Variants in RBM33 observed in about 807,000 individuals in gnomAD.
RBM33 encodes the protein RNA binding motif protein 33, also known as RNA-binding protein 33.
Under a neutral mutation model 132.6 loss-of-function variants are expected in RBM33, and 28 were observed. The observed-to-expected ratio is 0.21, with a 90% CI of 0.16 to 0.29. The LOEUF (loss-of-function observed/expected upper bound fraction) is 0.29, where lower values mean the gene tolerates loss of function less well. RBM33 is among the 10% of genes least tolerant of loss of function. The pLI is 1.00. For missense variants in RBM33, 1,291 were observed against 1,518.5 expected (o/e 0.85, Z 2.49); for synonymous variants, 634 against 593.0 (o/e 1.07, Z -1.01).
At chr7:155,674,286 G>A (rs1259285558) in intron 3 of RBM33, among the ~76,000 whole-genome samples, 1 of 152,006 alleles carries the variant, frequency 6.6e-6, no homozygotes, top group African/African-American at 2.4e-5. Flanking sequence ...TGAGTGGGAT[G>A]TTCAGTCCTT....
intron 16 of RBM33, among the ~76,000 whole-genome samples, chr7:155,773,140 TTC>T (rs1196423415): frequency 6.6e-6 from 1 of 152,254 alleles, no homozygotes; most frequent in African/African-American, 2.4e-5. Context: ...TCTCTAGCTA[TTC>T]TGTTTCACTG....
intron 14 of RBM33, among the ~76,000 whole-genome samples, chr7:155,749,651 A>G (rs567823188): frequency 2.0e-4 from 30 of 152,214 alleles, no homozygotes; most frequent in Non-Finnish European, 3.8e-4. Context: ...AGTGCAACAG[A>G]CTGATAGTGA....
chr7:155,675,368 G>T (rs796127698), intron 3 of RBM33, among the ~76,000 whole-genome samples: 2 of 151,478 alleles, frequency 1.3e-5, no homozygotes, highest in African/African-American at 2.4e-5. Context: ...TGTATCATTG[G>T]CATTTCTCCC....
chr7:155,694,905 T>C (rs1799749590), intron 5 of RBM33, among the ~76,000 whole-genome samples: 1 of 152,210 alleles, frequency 6.6e-6, no homozygotes, highest in African/African-American at 2.4e-5. Context: ...TTTGTTTCTC[T>C]TGGTTATTAA....
At chr7:155,705,733 C>T (rs186684270) in intron 6 of RBM33, among the ~76,000 whole-genome samples, 1 of 152,340 alleles carries the variant, frequency 6.6e-6, no homozygotes, top group East Asian at 1.9e-4. Context: ...AAATCATTTT[C>T]GTTTCCCTTT....
intron 14 of RBM33, among the ~76,000 whole-genome samples, chr7:155,752,810 G>A (rs1045605334): frequency 6.6e-6 from 1 of 152,184 alleles, no homozygotes; most frequent in Admixed American, 6.5e-5. Flanking sequence ...TGCAGCTCAA[G>A]TGGGTCGTCT....
intron 5 of RBM33, 81 bp from the exon 6 acceptor site, chr7:155,700,692 A>T (rs1799936361): frequency 1.1e-5 from 12 of 1,055,560 alleles, no homozygotes; most frequent in Non-Finnish European, 1.6e-5. Context: ...AAACAATTAA[A>T]TATTTTAGCA....
intron 16 of RBM33, among the ~76,000 whole-genome samples, chr7:155,771,717 TTTTTC>T (rs1802431892): frequency 6.6e-6 from 1 of 152,136 alleles, no homozygotes; most frequent in Non-Finnish European, 1.5e-5. Flanking sequence ...GATATTTTCT[TTTTTC>T]TTATTTTATT....
chr7:155,699,235 C>G (rs928699016), intron 5 of RBM33, among the ~76,000 whole-genome samples: 2 of 152,148 alleles, frequency 1.3e-5, no homozygotes, highest in Admixed American at 6.5e-5. Flanking sequence ...TTTGGACTTG[C>G]TACTCTACTC....
In RBM33 at chr7:155,707,058, C is replaced by T. The variant is rs777401222; in HGVS notation, c.938C>T (p.Pro313Leu). 1.9e-5 allele frequency: 30 copies of T among 1,545,224 alleles called. No homozygotes were observed. Among genetic ancestry groups the T allele is most frequent in the South Asian group, 2.4e-5 (2 of 83,784 alleles). Residue 313 changes from proline (P) to leucine (L), a missense_variant, in exon 7 of 18, where the codon CCT becomes CTT. Pro to Leu is a moderately conservative substitution (Grantham distance 98). Transcript: ENST00000401878. Reference protein sequence around the residue: ...DHRPALLPTQPPVVPQAPPPP... With the variant: ...DHRPALLPTQLPVVPQAPPPP... ...AGACCTGCGCTGCTTCCTACACAGC[C>T]TCCTGTCGTGGTAACTTCAGATTTT...
At position 155,682,788 on chromosome 7, in the gene RBM33, G is replaced by T. The variant is rs1289782333; in HGVS notation, c.567+1880G>T. ...TCACTTTGGTGTTCTTGCAGAGTTT[G>T]TTGTAAAGAGAATTTCCAAGTGAGG... On this transcript the variant is annotated intron_variant, in intron 5 of 17. Transcript: ENST00000401878. Among the ~76,000 whole-genome samples the T allele has an allele frequency of 7.9e-5, 12 of 152,284 alleles. No individual in the cohort carries two copies. The Middle Eastern group carries it at 0.01, about 129-fold the overall frequency.
At chr7:155,728,013 G>A (rs1037053134) in intron 9 of RBM33, among the ~76,000 whole-genome samples, 4 of 152,136 alleles carry the variant, frequency 2.6e-5, no homozygotes, top group Admixed American at 2.6e-4. Flanking sequence ...CAAGCAGTCA[G>A]CCCACCTTGG....
At chr7:155,737,752 TC>T in intron 10 of RBM33, 90 bp downstream of exon 10, 2 of 1,359,508 alleles carry the variant, frequency 1.5e-6, no homozygotes, top group Non-Finnish European at 9.8e-7. Flanking sequence ...TGAATTGAAC[TC>T]CCAGTTGGAG....
At chr7:155,714,908 G>A (rs1387381831) in intron 8 of RBM33, among the ~76,000 whole-genome samples, 3 of 152,144 alleles carry the variant, frequency 2.0e-5, no homozygotes, top group African/African-American at 7.2e-5. Context: ...TGATGGTGAC[G>A]GGCTGGCCCA....
intron 13 of RBM33, among the ~76,000 whole-genome samples, 174 bp downstream of exon 13, chr7:155,742,280 T>G (rs1585516713): frequency 7.1e-6 from 1 of 141,664 alleles, no homozygotes; most frequent in East Asian, 2.1e-4. Context: ...ACACTTGTAT[T>G]CTCACTAGTT....
intron 5 of RBM33, among the ~76,000 whole-genome samples, chr7:155,695,934 A>ATG (rs1563148187): frequency 1.3e-5 from 2 of 151,454 alleles, no homozygotes; most frequent in Admixed American, 6.6e-5. Context: ...ATATGTGCGC[A>ATG]CGTGTGTGTG....
Position 155,673,940 on chromosome 7 carries a change from GTTTTTTTTTTTTTTTTTT to G in RBM33, c.171+1040_171+1057del, listed in dbSNP as rs71186053. On this transcript the variant is annotated intron_variant, in intron 3 of 17. Transcript: ENST00000401878. ...TCATTATCAAGATAGTTTAGGCTTAGTTTTTTTTTTTTTTTTTTTTTTTTTTTTTTTTGAGACACAGTC... is the reference window on the plus strand; with the variant it reads ...TCATTATCAAGATAGTTTAGGCTTAGTTTTTTTTTTTTTTGAGACACAGTC... 4.2e-3 allele frequency among the ~76,000 whole-genome samples: 229 copies of G among 54,202 alleles called. 14 individuals are homozygous for G. The highest frequency in any genetic ancestry group is 0.018 in the African/African-American group (221 of 12,132). The allele number at this position is 54,202 out of a possible 152,430, so 35.6% of individuals were successfully genotyped here.
chr7:155,756,610 T>C (rs1801859288), intron 14 of RBM33, among the ~76,000 whole-genome samples: 1 of 152,150 alleles, frequency 6.6e-6, no homozygotes, highest in East Asian at 1.9e-4. Context: ...TGCACTCTGC[T>C]TGCTATTTGT....
chr7:155,740,089 A>G (rs1031741909), intron 12 of RBM33, 63 bp downstream of exon 12: 38 of 1,453,818 alleles, frequency 2.6e-5, no homozygotes, highest in Non-Finnish European at 3.3e-5. Flanking sequence ...ACAGGACTTG[A>G]GGGGCATAAT....
Sources: gnomAD v4.1 joint callset for allele counts (sites outside exome capture counted in the v4.1 genomes callset) on GRCh38, gnomAD v4.1.1 for gene constraint, MANE v1.5 for transcripts, NCBI Gene and HGNC (gene_info 2026-07-23, HGNC 2026-07-21) for gene names.